PCGF3: variants seen among roughly 807,000 people sequenced by gnomAD.
PCGF3 encodes the protein polycomb group RING finger protein 3.
In PCGF3, 7 loss-of-function variants were observed where a neutral mutation model predicts 33.1. The ratio of observed to expected loss-of-function variants is 0.21; its 90% CI spans 0.12 to 0.40. The LOEUF (loss-of-function observed/expected upper bound fraction) is 0.40. Among genes scored for constraint, PCGF3 ranks in the 10% least tolerant of loss-of-function variants. The pLI is 1.00. For synonymous variants in PCGF3, 153 were observed against 121.3 expected (o/e 1.26, Z -1.72); for missense variants, 211 against 313.3 (o/e 0.67, Z 2.46).
intron 6 of PCGF3, among the ~76,000 whole-genome samples, chr4:739,352 C>T (rs73221138): frequency 0.051 from 7,696 of 152,290 alleles, 300 homozygotes; most frequent in Non-Finnish European, 0.08. Flanking sequence ...AGGCAAGCAC[C>T]TCCATCCTGG....
chr4:752,611 GC>G (rs1744571842), intron 8 of PCGF3, among the ~76,000 whole-genome samples: 2 of 152,208 alleles, frequency 1.3e-5, no homozygotes, highest in African/African-American at 4.8e-5. Context: ...GCTGCCCTGA[GC>G]TGGGGTCCTG....
intron 8 of PCGF3, among the ~76,000 whole-genome samples, chr4:758,298 C>G (rs890472765): frequency 6.6e-5 from 10 of 151,874 alleles, no homozygotes; most frequent in African/African-American, 2.4e-4. Context: ...CCGCCAAACT[C>G]CAGGTCTTTC....
At chr4:707,878 G>A (rs1247946789) in intron 1 of PCGF3, among the ~76,000 whole-genome samples, 1 of 111,856 alleles carries the variant, frequency 8.9e-6, no homozygotes, top group East Asian at 2.7e-4. Flanking sequence ...TTCACCTGGG[G>A]GTCGGGACCC....
chr4:749,476 C>CTTTTTTTTTT lies in PCGF3; in HGVS notation c.462+4803_462+4812dup, dbSNP rs71640348. ...ACCATGCCCTGCTGAATTTTCTTTC[C>CTTTTTTTTTT]TTTTTTTTTTTTTTTTTTTTTTTTG... On this transcript the variant is annotated intron_variant, in intron 8 of 10. Coordinates refer to ENST00000362003, the Ensembl canonical transcript of PCGF3. Among the ~76,000 whole-genome samples the CTTTTTTTTTT allele has an allele frequency of 6.5e-4, 49 of 75,482 alleles. 2 individuals are homozygous for CTTTTTTTTTT. Among genetic ancestry groups the CTTTTTTTTTT allele is most frequent in the African/African-American group, 2.2e-3 (39 of 17,736 alleles). The allele number at this position is 75,482 out of a possible 152,430, so 49.5% of individuals were successfully genotyped here.
chr4:735,982 A>G (rs1201961190), intron 5 of PCGF3, among the ~76,000 whole-genome samples: 12 of 152,216 alleles, frequency 7.9e-5, no homozygotes, highest in Non-Finnish European at 1.5e-5. Flanking sequence ...ATAATTCTGA[A>G]GACACATTTT....
At chr4:760,647 C>T (rs545490546) in intron 8 of PCGF3, among the ~76,000 whole-genome samples, 1 of 152,230 alleles carries the variant, frequency 6.6e-6, no homozygotes, top group South Asian at 2.1e-4. Flanking sequence ...AAGCGTTTGC[C>T]GTGAGCGTCG....
intron 4 of PCGF3, 22 bp from the exon 5 acceptor site, chr4:734,907 AAC>A: frequency 1.9e-6 from 3 of 1,610,454 alleles, no homozygotes; most frequent in Non-Finnish European, 2.5e-6. Context: ...ACGCTCTCCT[AAC>A]ACACCTGTGC....
Position 734,135 on chromosome 4 carries a change from A to G in PCGF3, c.109+346A>G, listed in dbSNP as rs1359815267. On this transcript the variant is annotated intron_variant, in intron 4 of 10. Coordinates refer to ENST00000362003, the Ensembl canonical transcript of PCGF3. ...AGTTCCTTAGATCCTTCAAAGGGGA[A>G]CCTTCCAGTGTGTTCTTCACACCTG... 4 of 1,550,586 alleles carry G rather than the reference A, an allele frequency of 2.6e-6. No individual in the cohort carries two copies. The East Asian group carries it at 9.8e-5, about 38-fold the overall frequency.
chr4:714,118 T>C (rs888750030), intron 1 of PCGF3, among the ~76,000 whole-genome samples: 2 of 152,094 alleles, frequency 1.3e-5, no homozygotes, highest in Non-Finnish European at 2.9e-5. Context: ...TTTCTGTCAT[T>C]TGAGGACACG....
intron 1 of PCGF3, among the ~76,000 whole-genome samples, chr4:711,752 C>T (rs898447657): frequency 4.0e-5 from 6 of 151,842 alleles, no homozygotes; most frequent in African/African-American, 9.7e-5. Flanking sequence ...CCACCGCACC[C>T]GGCCGAAAAT....
At chr4:758,568 T>TTC (rs200255642) in intron 8 of PCGF3, among the ~76,000 whole-genome samples, 1,644 of 101,234 alleles carry the variant, frequency 0.016, 137 homozygotes, top group South Asian at 0.026. Flanking sequence ...CTCCGGGTCT[T>TTC]TCCCCGCACG....
rs766938440 is a variant in PCGF3 at position 736,039 on chromosome 4, A to T, written c.206+1012A>T. Among the ~76,000 whole-genome samples the T allele has an allele frequency of 2.5e-4, 38 of 151,826 alleles. 1 individual carries two copies. Among genetic ancestry groups the T allele is most frequent in the South Asian group, 6.3e-4 (3 of 4,792 alleles). On this transcript the variant is annotated intron_variant, in intron 5 of 10. Transcript: ENST00000362003. ...TTTGTTTTTCCCTTTTATTATTATT[A>T]TTTTTCTTAATTTTATTTATTTTTC...
chr4:722,199 T>C (rs1166297033), intron 1 of PCGF3: 1 of 158,312 alleles, frequency 6.3e-6, no homozygotes, highest in African/African-American at 2.4e-5. Flanking sequence ...TTCAGGATGA[T>C]ACGTTTTTCC....
At chr4:754,144 A>G (rs1301059918) in intron 8 of PCGF3, among the ~76,000 whole-genome samples, 1 of 152,102 alleles carries the variant, frequency 6.6e-6, no homozygotes, top group African/African-American at 2.4e-5. Context: ...GGTGGGTGTG[A>G]TGTCCCAGCA....
chr4:739,214 A>G (rs111322419), intron 6 of PCGF3, among the ~76,000 whole-genome samples: 1 of 151,958 alleles, frequency 6.6e-6, no homozygotes, highest in Non-Finnish European at 1.5e-5. Context: ...TTATTTCTTT[A>G]TTTATTTTGA....
chr4:766,631 T>C (rs1241891183), exon 11 of PCGF3: 1 of 152,348 alleles, frequency 6.6e-6, no homozygotes, highest in Non-Finnish European at 1.5e-5. Flanking sequence ...AACATTATGA[T>C]TTAACCATTG....
rs536690658 is a variant in PCGF3 at position 717,483 on chromosome 4, G to A, written c.-190+11513G>A. ...TAACCTCCACTTCCTGAGTTCAAGG[G>A]ATTCTCCCGTCTCAGCCTCCTGAGT... is the stretch of plus-strand genomic sequence containing the variant. On this transcript the variant is annotated intron_variant, in intron 1 of 10. Coordinates refer to ENST00000362003, the Ensembl canonical transcript of PCGF3. Among the ~76,000 whole-genome samples, 31 of 152,280 alleles carry A rather than the reference G, an allele frequency of 2.0e-4. 1 individual carries two copies. The South Asian group carries it at 6.4e-3, about 32-fold the overall frequency.
chr4:730,680 T>C lies in PCGF3; in HGVS notation c.-151+12T>C, dbSNP rs1346284031. 2 of 220,382 alleles carry C rather than the reference T, an allele frequency of 9.1e-6. No individual in the cohort carries two copies. Among genetic ancestry groups the C allele is most frequent in the Non-Finnish European group, 1.8e-5 (2 of 112,420 alleles). The allele number at this position is 220,382 out of a possible 1,614,324, so 13.7% of individuals were successfully genotyped here. A position where few individuals can be genotyped will look rare whatever the true frequency, so the allele number is the denominator to read the frequency against. ...GGCGTCGTGCTCAGGTAAGTGCGCGTAGGCCGACTGCCCTCTTCTTTCCGC... is the reference window on the plus strand; with the variant it reads ...GGCGTCGTGCTCAGGTAAGTGCGCGCAGGCCGACTGCCCTCTTCTTTCCGC... On this transcript the variant is annotated intron_variant, in intron 2 of 10. Transcript: ENST00000362003.
chr4:718,719 G>C (rs1742958296), intron 1 of PCGF3, among the ~76,000 whole-genome samples: 1 of 152,176 alleles, frequency 6.6e-6, no homozygotes, highest in Non-Finnish European at 1.5e-5. Flanking sequence ...TCAAGGACCA[G>C]GCTGGGGGCT....
Sources: gnomAD v4.1 joint callset for allele counts (sites outside exome capture counted in the v4.1 genomes callset) on GRCh38, gnomAD v4.1.1 for gene constraint, MANE v1.5 for transcripts, NCBI Gene and HGNC (gene_info 2026-07-23, HGNC 2026-07-21) for gene names.